ANKRD31: variants seen among roughly 807,000 people sequenced by gnomAD.
ANKRD31 encodes ankyrin repeat domain-containing protein 31.
A neutral mutation model predicts 186.0 loss-of-function variants in ANKRD31; 147 were observed. That is an observed-to-expected ratio of 0.79 (90% confidence interval 0.69 to 0.91). ANKRD31 has a LOEUF of 0.91. Among genes scored for constraint, ANKRD31 ranks in the 40% least tolerant of loss-of-function variants. The pLI is 0.00. For missense variants in ANKRD31, 1,986 were observed against 2,148.8 expected, an observed-to-expected ratio of 0.92 and a Z score of 1.50; for synonymous variants, 673 against 736.4, an observed-to-expected ratio of 0.91 and a Z score of 1.39.
At chr5:75,157,517 G>T (rs116305046) in intron 11 of ANKRD31, among the ~76,000 whole-genome samples, 14 of 152,206 alleles carry the variant, frequency 9.2e-5, no homozygotes, top group African/African-American at 3.4e-4. Flanking sequence ...GATGGTAAAA[G>T]TTGGAGATTC....
rs1324802261 is a variant in ANKRD31 at position 75,147,094 on chromosome 5, G to A, written c.2317C>T (p.His773Tyr). The A allele has an allele frequency of 1.6e-5, 24 of 1,536,280 alleles. No homozygotes were observed. The highest frequency in any genetic ancestry group is 1.2e-5 in the South Asian group (1 of 84,034). The change falls in exon 14 of 26, where the codon CAT becomes TAT. Residue 773 changes from histidine to tyrosine, a missense_variant. By Grantham distance (83) the His-to-Tyr change is moderately conservative. Transcript: ENST00000506364. ...CACAATTCTTCTGGAAGGTCATTAT[G>A]AGTTTCTGGAATATGCTGCTGATAG... The part of the protein sequence containing the change: ...VTYQQHIPET[H>Y]NDLPEELCEP...
intron 11 of ANKRD31, among the ~76,000 whole-genome samples, chr5:75,155,508 C>T (rs914456945): frequency 1.1e-4 from 17 of 152,050 alleles, no homozygotes; most frequent in East Asian, 9.6e-4. Flanking sequence ...TAAGTTGCTT[C>T]GAAGCTTTTA....
rs1747204787 is a variant in ANKRD31 at position 75,104,894 on chromosome 5, G to A, written c.4665C>T (p.Thr1555=). The A allele has an allele frequency of 6.5e-7, 1 of 1,536,980 alleles. No homozygotes were observed. Among genetic ancestry groups the A allele is most frequent in the Non-Finnish European group, 8.7e-7 (1 of 1,146,864 alleles). Residue 1555 remains threonine (T), a synonymous_variant, in exon 22 of 26, where the codon ACC becomes ACT. Transcript: ENST00000506364. ...CTGCCTCTGAATTTAGACAAATGTTGGTATTTTGGCTGTAGTTCCAAGTTT... is the reference window on the plus strand; with the variant it reads ...CTGCCTCTGAATTTAGACAAATGTTAGTATTTTGGCTGTAGTTCCAAGTTT... ...SLETWNYSQN[T]NICLNSEAVR... is the part of the protein sequence containing the mutation.
At chr5:75,072,558 T>A (rs953629247) in intron 25 of ANKRD31, among the ~76,000 whole-genome samples, 1 of 152,228 alleles carries the variant, frequency 6.6e-6, no homozygotes, top group Non-Finnish European at 1.5e-5. Context: ...AATGAACGAC[T>A]AAATCTTTGT....
Position 75,113,207 on chromosome 5 carries a change from T to C in ANKRD31, c.4156-607A>G, listed in dbSNP as rs561203983. Among the ~76,000 whole-genome samples, 427 of 152,310 alleles carry C rather than the reference T, an allele frequency of 2.8e-3. 1 individual carries two copies. The highest frequency in any genetic ancestry group is 4.8e-3 in the Non-Finnish European group (327 of 68,028). On this transcript the variant is annotated intron_variant, in intron 19 of 25. Coordinates refer to ENST00000506364, the MANE Select transcript of ANKRD31 (RefSeq NM_001372053.1). ...AGGGTGTAAATCCTAGCTTCACCTC[T>C]TCCTATCTGGGTGACTCCAGCAAGT...
At chr5:75,080,502 G>T in intron 25 of ANKRD31, 66 bp downstream of exon 25, 1 of 1,098,734 alleles carries the variant, frequency 9.1e-7, no homozygotes, top group Non-Finnish European at 1.3e-6. Context: ...TGATCTATTT[G>T]CACAATATGT....
chr5:75,119,013 C>T (rs1193492951), intron 17 of ANKRD31, among the ~76,000 whole-genome samples: 4 of 152,020 alleles, frequency 2.6e-5, no homozygotes, highest in South Asian at 2.1e-4. Flanking sequence ...TTGTTCAGGA[C>T]GTTTTATGAA....
chr5:75,069,264 C>G (rs1038304181), intron 25 of ANKRD31, among the ~76,000 whole-genome samples: 2 of 120,142 alleles, frequency 1.7e-5, no homozygotes, highest in Non-Finnish European at 3.3e-5. Flanking sequence ...AGCTCCCTGA[C>G]AGTCTGAGAG....
chr5:75,084,217 G>T, intron 24 of ANKRD31, 55 bp downstream of exon 24: 1 of 1,234,796 alleles, frequency 8.1e-7, no homozygotes, highest in Non-Finnish European at 1.1e-6. Flanking sequence ...TGCTTTTCCA[G>T]TAGGTTTTGG....
intron 6 of ANKRD31, among the ~76,000 whole-genome samples, chr5:75,198,642 G>A (rs895100430): frequency 5.9e-5 from 9 of 152,138 alleles, no homozygotes; most frequent in African/African-American, 1.7e-4. Context: ...TAAATAATGA[G>A]TGCTAGAGAG....
chr5:75,104,366 A>G lies in ANKRD31; in HGVS notation c.5193T>C (p.Ser1731=). ...CADDSQISSS[S]GSGQQDTIKK... Reference sequence around the variant, plus strand: ...TTATTGTATCTTGTTGCCCAGATCCAGAGGAAGAGGAGATCTGACTGTCAT... The same window carrying G: ...TTATTGTATCTTGTTGCCCAGATCCGGAGGAAGAGGAGATCTGACTGTCAT... The change falls in exon 22 of 26, where the codon TCT becomes TCC. Residue 1731 remains serine (S), a synonymous_variant. Transcript: ENST00000506364. 2 of 1,537,200 alleles carry G rather than the reference A, an allele frequency of 1.3e-6. No homozygotes were observed. The highest frequency in any genetic ancestry group is 1.7e-6 in the Non-Finnish European group (2 of 1,146,900).
intron 11 of ANKRD31, among the ~76,000 whole-genome samples, chr5:75,157,691 T>C (rs189019869): frequency 1.6e-4 from 24 of 152,280 alleles, no homozygotes; most frequent in Non-Finnish European, 2.9e-4. Context: ...GATCCTGTTG[T>C]CTAGTGGCAT....
intron 11 of ANKRD31, among the ~76,000 whole-genome samples, chr5:75,155,655 C>T (rs942066146): frequency 1.3e-5 from 2 of 152,066 alleles, no homozygotes; most frequent in African/African-American, 4.8e-5. Flanking sequence ...TAACATTATA[C>T]TAAAAGAAGC....
At position 75,222,331 on chromosome 5, in the gene ANKRD31, C is replaced by T. The variant is rs770392990; in HGVS notation, c.206G>A (p.Gly69Glu). Residue 69 changes from glycine (G) to glutamate (E), a missense_variant, in exon 3 of 26, where the codon GGA becomes GAA. By Grantham distance (98) the Gly-to-Glu change is moderately conservative (BLOSUM62 -2). Transcript: ENST00000506364. ...TTGCAGATCCTCTCTGAGCTTAAAT[C>T]CAAGTTGAATCTCAGGAGAAGGCAT... Reference protein sequence around the residue: ...KGMPSPEIQLGFKLREDLQEQ... With the variant: ...KGMPSPEIQLEFKLREDLQEQ... 16 of 1,536,406 alleles carry T rather than the reference C, an allele frequency of 1.0e-5. 1 individual carries two copies. In the South Asian group the frequency reaches 1.7e-4, roughly 16 times the overall value.
chr5:75,163,429 A>C (rs1008875621), intron 11 of ANKRD31, among the ~76,000 whole-genome samples: 1 of 152,150 alleles, frequency 6.6e-6, no homozygotes, highest in Non-Finnish European at 1.5e-5. Context: ...CCCTTTGTGG[A>C]TGTGCTTGCA....
chr5:75,127,949 TAGAG>T (rs1294634356), intron 17 of ANKRD31, among the ~76,000 whole-genome samples: 4 of 152,348 alleles, frequency 2.6e-5, no homozygotes, highest in African/African-American at 9.6e-5. Flanking sequence ...ATTGCTGTTA[TAGAG>T]AAATACAGTT....
chr5:75,199,475 G>A (rs1755676048), intron 6 of ANKRD31, among the ~76,000 whole-genome samples, 156 bp downstream of exon 6: 1 of 152,162 alleles, frequency 6.6e-6, no homozygotes, highest in Non-Finnish European at 1.5e-5. Context: ...GAATAAACAT[G>A]AAAGAGGTGA....
chr5:75,138,518 TAGG>T (rs998088753), intron 16 of ANKRD31, among the ~76,000 whole-genome samples: 2 of 152,130 alleles, frequency 1.3e-5, no homozygotes, highest in African/African-American at 4.8e-5. Context: ...GAAGAAGGGA[TAGG>T]AGAATGAGAA....
intron 19 of ANKRD31, among the ~76,000 whole-genome samples, chr5:75,114,158 A>G (rs917396706): frequency 6.6e-6 from 1 of 152,174 alleles, no homozygotes; most frequent in Non-Finnish European, 1.5e-5. Flanking sequence ...TTACCTTTAC[A>G]TGATGGGTTT....
Sources: gnomAD v4.1 joint callset for allele counts (sites outside exome capture counted in the v4.1 genomes callset) on GRCh38, gnomAD v4.1.1 for gene constraint, MANE v1.5 for transcripts, NCBI Gene and HGNC (gene_info 2026-07-23, HGNC 2026-07-21) for gene names.